The following PXK variants were observed in gnomAD, a reference collection of about 807,000 sequenced individuals.
The protein encoded by PXK is PX domain containing serine/threonine kinase like, also known as PX domain-containing protein kinase-like protein.
A neutral mutation model predicts 84.7 loss-of-function variants in PXK; 35 were observed. The observed-to-expected ratio is 0.41, with a 90% CI of 0.32 to 0.55. The LOEUF (loss-of-function observed/expected upper bound fraction) is 0.55. PXK is among the 20% of genes least tolerant of loss of function. The probability of loss-of-function intolerance (pLI) is 0.21; values close to 1 mark genes in which losing one functional copy is unlikely to be tolerated. For synonymous variants in PXK, 253 were observed against 260.8 expected (o/e 0.97, Z 0.29); for missense variants, 634 against 699.7 (o/e 0.91, Z 1.06).
chr3:58,363,213 A>AT (rs927029637), intron 1 of PXK, among the ~76,000 whole-genome samples: 168 of 151,312 alleles, frequency 1.1e-3, no homozygotes, highest in African/African-American at 3.2e-3. Flanking sequence ...CCCTCCAAGT[A>AT]TTTTTTTTTG....
chr3:58,373,641 A>G (rs1234757676), intron 3 of PXK, among the ~76,000 whole-genome samples: 2 of 152,194 alleles, frequency 1.3e-5, no homozygotes, highest in East Asian at 3.9e-4. Context: ...TGATGTTGGA[A>G]GTAAAGAGCA....
At position 58,341,651 on chromosome 3, in the gene PXK, TAC is replaced by T. The variant is rs1387449230; in HGVS notation, c.102+8563_102+8564del. Among the ~76,000 whole-genome samples, 7 of 152,342 alleles carry T rather than the reference TAC, an allele frequency of 4.6e-5. No homozygotes were observed. In the East Asian group the frequency reaches 1.3e-3, roughly 29 times the overall value. The stretch of plus-strand genomic sequence containing the variant: ...ACAATCCAATGGCTTTTGGTATATT[TAC>T]AGAGTTGTGTATTCATCACCATAAT... On this transcript the variant is annotated intron_variant, in intron 1 of 17. Coordinates refer to ENST00000356151, the MANE Select transcript of PXK (RefSeq NM_017771.5).
chr3:58,397,743 G>A lies in PXK; in HGVS notation c.1102+21G>A. The A allele has an allele frequency of 6.3e-7, 1 of 1,577,052 alleles. No homozygotes were observed. Among genetic ancestry groups the A allele is most frequent in the African/African-American group, 1.3e-5 (1 of 74,196 alleles). ...TGTGGGTCAGTATGGGGTTGGGAAG[G>A]GTCTTCTGGGCCCTAGTAGTGTGCA... On this transcript the variant is annotated intron_variant, in intron 11 of 17. Coordinates refer to ENST00000356151, the MANE Select transcript of PXK (RefSeq NM_017771.5). This position sits in a 1 kb window ranked among gnomAD's most constrained non-coding sequence, Gnocchi z 4.7.
intron 4 of PXK, among the ~76,000 whole-genome samples, chr3:58,389,084 A>G (rs2098596867): frequency 6.6e-6 from 1 of 152,154 alleles, no homozygotes; most frequent in Non-Finnish European, 1.5e-5. Flanking sequence ...TTCTTAATGC[A>G]AAGAACTTTA....
At chr3:58,348,109 T>C (rs2107933260) in intron 1 of PXK, among the ~76,000 whole-genome samples, 1 of 152,238 alleles carries the variant, frequency 6.6e-6, no homozygotes. Flanking sequence ...GGGGTTTTGC[T>C]ATGTTGGCCA....
intron 4 of PXK, among the ~76,000 whole-genome samples, chr3:58,384,097 T>G (rs759683254): frequency 1.3e-5 from 2 of 152,206 alleles, no homozygotes; most frequent in Admixed American, 6.5e-5. Context: ...GCTTGTAGTC[T>G]GTAAAGCTTC....
At chr3:58,338,622 TA>T (rs899931411) in intron 1 of PXK, among the ~76,000 whole-genome samples, 5 of 150,472 alleles carry the variant, frequency 3.3e-5, no homozygotes, top group Non-Finnish European at 5.9e-5. Flanking sequence ...GACTCCGTCT[TA>T]AAAAAAAAAA....
intron 1 of PXK, among the ~76,000 whole-genome samples, chr3:58,352,683 T>C (rs898563565): frequency 1.3e-5 from 2 of 152,206 alleles, no homozygotes; most frequent in Admixed American, 6.5e-5. Context: ...TATAGAATGC[T>C]GCAGGAAGTG....
intron 1 of PXK, among the ~76,000 whole-genome samples, chr3:58,354,856 G>A (rs908746586): frequency 5.9e-5 from 9 of 151,938 alleles, no homozygotes; most frequent in South Asian, 2.1e-4. Context: ...AGTGGCTCGC[G>A]CTTGTAATCC....
Position 58,336,038 on chromosome 3 carries a change from C to CATATATATAT in PXK, c.102+2973_102+2982dup, listed in dbSNP as rs1168755178. ...ATCAAGTTTGTTTAACCTTGGGAAA[C>CATATATATAT]ATATATATATATATATATATATATA... is the stretch of plus-strand genomic sequence containing the variant. On this transcript the variant is annotated intron_variant, in intron 1 of 17. Transcript: ENST00000356151. Among the ~76,000 whole-genome samples, 130 of 43,070 alleles carry CATATATATAT rather than the reference C, an allele frequency of 3.0e-3. 1 individual carries two copies. The highest frequency in any genetic ancestry group is 9.5e-3 in the East Asian group (4 of 422). The allele number at this position is 43,070 out of a possible 152,430, so 28.3% of individuals were successfully genotyped here.
rs1244508451 is a variant in PXK, at chr3:58,333,789, A to T, written c.102+699A>T. On this transcript the variant is annotated intron_variant, in intron 1 of 17. Transcript: ENST00000356151. The surrounding 1 kb of genome is among the most constrained non-coding windows in gnomAD (Gnocchi z 5.4). ...TAGCATAAAGGAGTAATAGGTCCTCATAGTAAACATTGGCAGGGTTCATTT... is the reference window on the plus strand; with the variant it reads ...TAGCATAAAGGAGTAATAGGTCCTCTTAGTAAACATTGGCAGGGTTCATTT... 6.6e-6 allele frequency among the ~76,000 whole-genome samples: 1 copy of T among 152,158 alleles called. No individual in the cohort carries two copies. Among genetic ancestry groups the T allele is most frequent in the African/African-American group, 2.4e-5 (1 of 41,446 alleles).
At chr3:58,413,638 C>T (rs1208899970) in intron 17 of PXK, 1 of 152,190 alleles carries the variant, frequency 6.6e-6, no homozygotes, top group African/African-American at 2.4e-5. Flanking sequence ...CAAGATGTCT[C>T]TCCTAAAGTC....
rs1462462553 is a variant in PXK, at chr3:58,401,394, A to C, written c.1181+2017A>C. On this transcript the variant is annotated intron_variant, in intron 12 of 17. Transcript: ENST00000356151. This position sits in a 1 kb window ranked among gnomAD's most constrained non-coding sequence, Gnocchi z 4.4. ...TTTGGGAGGCTGAGGCAGGTGGATC[A>C]CTTGAGCTCAGGAGTTCAAGACCAG... 1.3e-5 allele frequency among the ~76,000 whole-genome samples: 2 copies of C among 152,192 alleles called. No homozygotes were observed. The highest frequency in any genetic ancestry group is 4.1e-4 in the South Asian group (2 of 4,830).
chr3:58,422,006 C>T (rs2061954318), intron 17 of PXK: 8 of 985,346 alleles, frequency 8.1e-6, no homozygotes, highest in Non-Finnish European at 9.6e-6. Flanking sequence ...GTGGAGAGCG[C>T]GCAGGCAGCA....
intron 7 of PXK, among the ~76,000 whole-genome samples, chr3:58,394,572 C>T (rs75160356): frequency 3.3e-5 from 5 of 152,312 alleles, no homozygotes; most frequent in Non-Finnish European, 7.4e-5. Flanking sequence ...AGCAAAGACA[C>T]ATTGATCCTG....
intron 1 of PXK, among the ~76,000 whole-genome samples, chr3:58,351,925 G>T (rs912271308): frequency 2.4e-4 from 36 of 152,194 alleles, no homozygotes; most frequent in African/African-American, 8.7e-4. Flanking sequence ...TCTTAGCAGG[G>T]AAGAAAACAG....
intron 3 of PXK, among the ~76,000 whole-genome samples, chr3:58,381,935 A>G (rs1467949499): frequency 6.6e-6 from 1 of 151,982 alleles, no homozygotes; most frequent in African/African-American, 2.4e-5. Context: ...TGCCAGTAAT[A>G]ATTTAAGAAA....
At chr3:58,351,714 C>T (rs920891199) in intron 1 of PXK, among the ~76,000 whole-genome samples, 8 of 151,912 alleles carry the variant, frequency 5.3e-5, no homozygotes, top group Non-Finnish European at 1.2e-4. Context: ...CAAAAGTGGG[C>T]ATAGAATCTA....
rs147501563 is a variant in PXK, at chr3:58,400,383, C to T, written c.1181+1006C>T. The stretch of plus-strand genomic sequence containing the variant: ...CTCTGAAAACAATAATATGGGGAAA[C>T]GAGGCAGGGGACAGCTTGAAGGGCA... On this transcript the variant is annotated intron_variant, in intron 12 of 17. Coordinates refer to ENST00000356151, the MANE Select transcript of PXK (RefSeq NM_017771.5). This position sits in a 1 kb window ranked among gnomAD's most constrained non-coding sequence, Gnocchi z 4.0. 3.6e-4 allele frequency among the ~76,000 whole-genome samples: 55 copies of T among 152,160 alleles called. No homozygotes were observed. The highest frequency in any genetic ancestry group is 1.2e-3 in the African/African-American group (50 of 41,528).
Sources: allele counts gnomAD v4.1 joint callset (sites outside exome capture counted in the v4.1 genomes callset), GRCh38; gene constraint gnomAD v4.1.1; non-coding constraint Gnocchi (gnomAD v3.1); transcripts MANE v1.5; gene names NCBI Gene and HGNC (gene_info 2026-07-23, HGNC 2026-07-21).